Variants in FAM83G observed in about 807,000 individuals in gnomAD.
FAM83G encodes scaffolding CK1 anchoring protein G.
A neutral mutation model predicts 61.5 loss-of-function variants in FAM83G; 38 were observed. That is an observed-to-expected ratio of 0.62 (90% CI 0.48 to 0.81). The LOEUF is 0.81. Ranked by LOEUF, FAM83G falls within the 30% of genes least tolerant of loss-of-function variation. The pLI, the probability that FAM83G is intolerant of heterozygous loss-of-function variation, is 0.00. For missense variants in FAM83G, 989 were observed against 1,133.6 expected (o/e 0.87, Z 1.83); for synonymous variants, 470 against 476.1 (o/e 0.99, Z 0.17).
At position 18,977,692 on chromosome 17, in the gene FAM83G, G is replaced by T. The variant is rs749024147; in HGVS notation, c.1974C>A (p.Thr658=). 5 of 1,610,268 alleles carry T rather than the reference G, an allele frequency of 3.1e-6. No individual in the cohort carries two copies. The highest frequency in any genetic ancestry group is 4.2e-6 in the Non-Finnish European group (5 of 1,179,674). ...GGGAGCCACCCTGGGGTCCAACAAA[G>T]GTCCCTCGGGTTATATGGGGGGCAC... The part of the protein sequence containing the change: ...QLSAPHITRG[T]FVGPQGGSPW... The change falls in exon 5 of 6, where the codon ACC becomes ACA. Residue 658 remains threonine, a synonymous_variant. Coordinates refer to ENST00000388995, the MANE Select transcript of FAM83G (RefSeq NM_001039999.3).
At position 18,969,002 on chromosome 17, in the gene FAM83G, G is replaced by C. The variant is rs753788145; in HGVS notation, c.*2357C>G. ...CCCGAGGTCACCCAGGGAGTGGCTTGCTGGAGCCCTGGGAATAACAGTCCC... is the reference window on the plus strand; with the variant it reads ...CCCGAGGTCACCCAGGGAGTGGCTTCCTGGAGCCCTGGGAATAACAGTCCC... On this transcript the variant is annotated 3_prime_UTR_variant, in exon 6 of 6. Coordinates refer to ENST00000388995, the MANE Select transcript of FAM83G (RefSeq NM_001039999.3). The C allele has an allele frequency of 1.3e-6, 2 of 1,548,406 alleles. No individual in the cohort carries two copies. The highest frequency in any genetic ancestry group is 2.5e-5 in the South Asian group (2 of 81,490).
chr17:18,975,400 A>T (rs966469792), intron 5 of FAM83G, among the ~76,000 whole-genome samples: 1 of 152,276 alleles, frequency 6.6e-6, no homozygotes, highest in East Asian at 1.9e-4. Flanking sequence ...AGTTAAAATC[A>T]CGGAGGCAGC....
chr17:18,977,692 G>C lies in FAM83G; in HGVS notation c.1974C>G (p.Thr658=), dbSNP rs749024147. Residue 658 remains threonine, a synonymous_variant, in exon 5 of 6, where the codon ACC becomes ACG. Transcript: ENST00000388995. ...GGGAGCCACCCTGGGGTCCAACAAA[G>C]GTCCCTCGGGTTATATGGGGGGCAC... ...QLSAPHITRG[T]FVGPQGGSPW... The C allele has an allele frequency of 1.9e-6, 3 of 1,610,268 alleles. No individual in the cohort carries two copies. Among genetic ancestry groups the C allele is most frequent in the Non-Finnish European group, 2.5e-6 (3 of 1,179,674 alleles).
chr17:18,997,954 G>A (rs564273497), intron 2 of FAM83G, among the ~76,000 whole-genome samples: 1 of 152,360 alleles, frequency 6.6e-6, no homozygotes, highest in African/African-American at 2.4e-5. Context: ...TGACACTGAG[G>A]AGGAAGGAAC....
intron 5 of FAM83G, chr17:18,976,964 C>A (rs2042995579): frequency 1.2e-6 from 2 of 1,612,990 alleles, no homozygotes; most frequent in South Asian, 1.1e-5. Flanking sequence ...TCATGCCGGG[C>A]ATGATCAGCC....
intron 2 of FAM83G, among the ~76,000 whole-genome samples, chr17:18,997,470 G>T (rs1425318730): frequency 6.6e-6 from 1 of 152,250 alleles, no homozygotes. Context: ...CATGTGGGCA[G>T]CAAACGGCAC....
chr17:18,997,564 C>T (rs770624034), intron 2 of FAM83G, among the ~76,000 whole-genome samples: 2 of 152,220 alleles, frequency 1.3e-5, no homozygotes, highest in Admixed American at 6.5e-5. Flanking sequence ...GGTCCAAGAG[C>T]GACAGACATT....
intron 3 of FAM83G, among the ~76,000 whole-genome samples, chr17:18,984,253 A>G (rs2043209805): frequency 6.6e-6 from 1 of 150,696 alleles, no homozygotes; most frequent in East Asian, 2.0e-4. Context: ...GAAGCAGGAT[A>G]ATGGCACGAA....
intron 5 of FAM83G, chr17:18,976,784 C>T (rs2042990229): frequency 6.3e-7 from 1 of 1,581,186 alleles, no homozygotes. Context: ...CCCTGAGGCC[C>T]ACCAAGGACC....
chr17:18,982,118 A>G (rs2152014463), intron 3 of FAM83G, among the ~76,000 whole-genome samples: 1 of 152,362 alleles, frequency 6.6e-6, no homozygotes, highest in Middle Eastern at 3.4e-3. Context: ...AGAGTGACTC[A>G]GCCTCCGTGT....
chr17:18,977,794 C>G lies in FAM83G; in HGVS notation c.1872G>C (p.Glu624Asp). 1 of 1,601,980 alleles carries G rather than the reference C, an allele frequency of 6.2e-7. No individual in the cohort carries two copies. The highest frequency in any genetic ancestry group is 1.3e-5 in the African/African-American group (1 of 74,878). ...GGCGCCTCCGGAGAGGGACTGAGTG[C>G]TCTCTCACCTCGAAGTACTCCTCTG... The part of the protein sequence containing the change: ...SVSEEYFEVR[E>D]HSVPLRRRHS... The change falls in exon 5 of 6, where the codon GAG (glutamate) becomes GAC (aspartate). Residue 624 changes from glutamate (E) to aspartate (D), a missense_variant. Physicochemically the swap from Glu to Asp is conservative, Grantham distance 45 (BLOSUM62 2). This residue lies in a region of FAM83G where 574 missense variants were observed against 645.1 expected (regional missense o/e 0.89). Coordinates refer to ENST00000388995, the MANE Select transcript of FAM83G (RefSeq NM_001039999.3).
intron 3 of FAM83G, among the ~76,000 whole-genome samples, chr17:18,984,600 G>T (rs556118906): frequency 1.2e-3 from 181 of 152,342 alleles, no homozygotes; most frequent in South Asian, 2.3e-3. Context: ...TTGCCCAGGG[G>T]CTGCTGGTAT....
At chr17:18,973,884 G>GTTTTTTT (rs35778801) in intron 5 of FAM83G, among the ~76,000 whole-genome samples, 1 of 95,740 alleles carries the variant, frequency 1.0e-5, no homozygotes. Flanking sequence ...TTTTTTTTAA[G>GTTTTTTT]TTTTTTTTTT....
chr17:18,975,461 G>A (rs2259660), intron 5 of FAM83G, among the ~76,000 whole-genome samples: 74,507 of 151,910 alleles, frequency 0.49, 18,566 homozygotes, highest in Admixed American at 0.57. Flanking sequence ...AGGCCGAGGC[G>A]GGCAGATCAC....
intron 2 of FAM83G, among the ~76,000 whole-genome samples, chr17:18,998,177 G>T (rs2043615924): frequency 6.6e-6 from 1 of 152,262 alleles, no homozygotes; most frequent in South Asian, 2.1e-4. Context: ...CCAGGCTGGG[G>T]CCAACGTGGG....
rs192494456 is a variant in FAM83G at position 18,978,928 on chromosome 17, T to C, written c.816-78A>G. The C allele has an allele frequency of 1.8e-4, 275 of 1,531,510 alleles. No homozygotes were observed. In the African/African-American group the frequency reaches 3.3e-3, roughly 18 times the overall value. The allele number at this position is 1,531,510 out of a possible 1,614,324, so 94.9% of individuals were successfully genotyped here. A position where few individuals can be genotyped will look rare whatever the true frequency, so the allele number is the denominator to read the frequency against. ...CCAGCCCCCGTGCACCCATAGCCGCTGGGCCTCAGACTGTGGCCACAGGGC... is the reference window on the plus strand; with the variant it reads ...CCAGCCCCCGTGCACCCATAGCCGCCGGGCCTCAGACTGTGGCCACAGGGC... On this transcript the variant is annotated intron_variant, in intron 4 of 5. Transcript: ENST00000388995.
upstream of FAM83G, among the ~76,000 whole-genome samples, chr17:19,005,642 C>T (rs571155824): frequency 3.0e-4 from 45 of 150,134 alleles, no homozygotes; most frequent in Admixed American, 2.9e-3. Context: ...GCCTTGTGCC[C>T]TCAAACCCCC....
At chr17:18,991,192 C>A (rs1453632693) in intron 2 of FAM83G, among the ~76,000 whole-genome samples, 1 of 152,224 alleles carries the variant, frequency 6.6e-6, no homozygotes, top group Non-Finnish European at 1.5e-5. Flanking sequence ...TCAGCAAGAG[C>A]AGAGCCCTTG....
At chr17:18,985,097 G>A (rs2043236300) in intron 3 of FAM83G, among the ~76,000 whole-genome samples, 1 of 152,216 alleles carries the variant, frequency 6.6e-6, no homozygotes, top group Non-Finnish European at 1.5e-5. Flanking sequence ...GCCAGACCCT[G>A]GCGCAGAGGG....
Sources: gnomAD v4.1 joint callset for allele counts (sites outside exome capture counted in the v4.1 genomes callset) on GRCh38, gnomAD v4.1.1 for gene constraint, gnomAD v4.1.1 regional missense constraint, MANE v1.5 for transcripts, NCBI Gene and HGNC (gene_info 2026-07-23, HGNC 2026-07-21) for gene names.